TENM2: variants seen among roughly 807,000 people sequenced by gnomAD.
TENM2 encodes the protein teneurin transmembrane protein 2.
Under a neutral mutation model 245.2 loss-of-function variants are expected in TENM2, and 52 were observed. The observed-to-expected ratio is 0.21, with a 90% CI of 0.17 to 0.27. The LOEUF is 0.27. Ranked by LOEUF, TENM2 falls within the 10% of genes least tolerant of loss-of-function variation. TENM2 has a pLI of 1.00. For synonymous variants in TENM2, 1,363 were observed against 1,438.9 expected, an observed-to-expected ratio of 0.95 and a Z score of 1.19; for missense variants, 3,046 against 3,666.8, an observed-to-expected ratio of 0.83 and a Z score of 4.37.
chr5:166,992,920 A>G, the TENM2 span, among the ~76,000 whole-genome samples: 1 of 152,136 alleles, frequency 6.6e-6, no homozygotes, highest in Admixed American at 6.5e-5. Flanking sequence ...TCAGCTAAGT[A>G]CTTTTTATAG....
intron 19 of TENM2, among the ~76,000 whole-genome samples, chr5:168,209,302 T>A (rs542232893): frequency 1.3e-5 from 2 of 152,358 alleles, no homozygotes; most frequent in South Asian, 4.1e-4. Flanking sequence ...TTTGAAATGA[T>A]GCTCATTAAC....
chr5:167,837,878 A>C (rs1232736377), intron 2 of TENM2, among the ~76,000 whole-genome samples: 2 of 151,946 alleles, frequency 1.3e-5, no homozygotes, highest in Non-Finnish European at 2.9e-5. Flanking sequence ...TACTTAGCGC[A>C]GCATATGAAA....
intron 2 of TENM2, among the ~76,000 whole-genome samples, chr5:167,714,928 T>C (rs562021080): frequency 6.6e-6 from 1 of 152,246 alleles, no homozygotes; most frequent in Non-Finnish European, 1.5e-5. Context: ...GAACTACTGA[T>C]GTAGATAATT....
intron 9 of TENM2, among the ~76,000 whole-genome samples, chr5:168,108,867 A>G (rs1223768103): frequency 6.6e-6 from 1 of 151,502 alleles, no homozygotes; most frequent in African/African-American, 2.4e-5. Flanking sequence ...GCGGAGAACA[A>G]TGACAAAGCT....
rs1362206135 is a variant in TENM2, at chr5:167,801,138, ATATATATATATATATG to A, written c.503-74840_503-74825del. ...TATATATATATATATATATATATAT[ATATATATATATATATG>A]TATATATTCCCCAGGGTCAAAGTGT... On this transcript the variant is annotated intron_variant, in intron 2 of 28. Transcript: ENST00000518659. Among the ~76,000 whole-genome samples the A allele has an allele frequency of 6.6e-4, 69 of 104,614 alleles. 2 individuals are homozygous for A. The highest frequency in any genetic ancestry group is 6.3e-3 in the East Asian group (24 of 3,834). The allele number at this position is 104,614 out of a possible 152,430, so 68.6% of individuals were successfully genotyped here. A position where few individuals can be genotyped will look rare whatever the true frequency, so the allele number is the denominator to read the frequency against.
At chr5:167,926,345 G>T (rs1215341834) in intron 3 of TENM2, among the ~76,000 whole-genome samples, 1 of 152,044 alleles carries the variant, frequency 6.6e-6, no homozygotes, top group African/African-American at 2.4e-5. Context: ...TAAAAGAAAT[G>T]ATTTCTATAT....
At chr5:167,375,718 T>G (rs527300257) in intron 2 of TENM2, among the ~76,000 whole-genome samples, 1 of 152,312 alleles carries the variant, frequency 6.6e-6, no homozygotes, top group African/African-American at 2.4e-5. Context: ...CAGTTGGTCT[T>G]ATTAGCAAGT....
chr5:167,032,723 C>T, the TENM2 span, among the ~76,000 whole-genome samples: 1 of 152,140 alleles, frequency 6.6e-6, no homozygotes, highest in African/African-American at 2.4e-5. Flanking sequence ...CCCAAGGCAG[C>T]AAGTTCCAAC....
At chr5:167,024,456 T>A in the TENM2 span, among the ~76,000 whole-genome samples, 4 of 152,122 alleles carry the variant, frequency 2.6e-5, no homozygotes, top group Non-Finnish European at 5.9e-5. Context: ...AAGCAATAAA[T>A]GAGCAGTTTT....
the TENM2 span, among the ~76,000 whole-genome samples, chr5:167,099,836 G>A: frequency 4.6e-5 from 7 of 152,162 alleles, no homozygotes; most frequent in Admixed American, 4.6e-4. Context: ...TTTCTGGACT[G>A]GGCTATTTTC....
intron 2 of TENM2, among the ~76,000 whole-genome samples, chr5:167,402,416 A>C (rs1762412559): frequency 1.3e-5 from 2 of 152,132 alleles, no homozygotes; most frequent in South Asian, 4.1e-4. Flanking sequence ...ATTCAGTGAG[A>C]AGTATGTATG....
At chr5:167,551,201 G>A (rs1772917268) in intron 2 of TENM2, among the ~76,000 whole-genome samples, 1 of 152,132 alleles carries the variant, frequency 6.6e-6, no homozygotes, top group South Asian at 2.1e-4. Context: ...ATTTATATAT[G>A]GTAAAGTGTA....
intron 25 of TENM2, among the ~76,000 whole-genome samples, chr5:168,233,479 C>A (rs1352798933): frequency 6.6e-6 from 1 of 152,188 alleles, no homozygotes; most frequent in Non-Finnish European, 1.5e-5. Context: ...TCTATAGGCG[C>A]CTTCTTAATG....
At chr5:167,632,679 C>T (rs1478520190) in intron 2 of TENM2, among the ~76,000 whole-genome samples, 2 of 152,102 alleles carry the variant, frequency 1.3e-5, no homozygotes, top group Non-Finnish European at 2.9e-5. Flanking sequence ...CACGCACACA[C>T]ACCATGCACA....
At chr5:168,162,418 A>C (rs1174322539) in intron 12 of TENM2, among the ~76,000 whole-genome samples, 193 bp from the exon 15 acceptor site, 1 of 152,114 alleles carries the variant, frequency 6.6e-6, no homozygotes, top group African/African-American at 2.4e-5. Flanking sequence ...GATCCCCTGC[A>C]TCTGTGACCC....
chr5:167,473,612 A>G (rs907845504), intron 2 of TENM2, among the ~76,000 whole-genome samples: 5 of 152,214 alleles, frequency 3.3e-5, no homozygotes, highest in African/African-American at 1.2e-4. Context: ...AGAAATGCCT[A>G]TATAATGGTG....
At chr5:167,130,912 T>TATA in the TENM2 span, among the ~76,000 whole-genome samples, 1 of 118,348 alleles carries the variant, frequency 8.4e-6, no homozygotes. Context: ...TTTTTTTTTT[T>TATA]AAAAAAAAAA....
chr5:167,628,300 T>G (rs1442370964), intron 2 of TENM2, among the ~76,000 whole-genome samples: 1 of 152,194 alleles, frequency 6.6e-6, no homozygotes, highest in African/African-American at 2.4e-5. Context: ...TGTGGTCATA[T>G]TCTCCCTGCC....
the TENM2 span, among the ~76,000 whole-genome samples, chr5:167,113,565 C>T: frequency 4.6e-5 from 7 of 150,810 alleles, no homozygotes; most frequent in Non-Finnish European, 1.0e-4. Context: ...ATTACCTGAG[C>T]TTGGGAGGCT....
Sources: allele counts gnomAD v4.1 joint callset (sites outside exome capture counted in the v4.1 genomes callset), GRCh38; gene constraint gnomAD v4.1.1; transcripts MANE v1.5; gene names NCBI Gene and HGNC (gene_info 2026-07-23, HGNC 2026-07-21).